FAAH2: variants seen among roughly 807,000 people sequenced by gnomAD.
The protein encoded by FAAH2 is fatty-acid amide hydrolase 2.
FAAH2 carries 60 observed loss-of-function variants against 36.9 expected under a neutral mutation model. That is an observed-to-expected ratio of 1.63 (90% CI 1.32 to 2.02). FAAH2 has a LOEUF of 2.02. Ranked by LOEUF, FAAH2 falls within the 30% of genes most tolerant of loss-of-function variation. The pLI is 0.00. For synonymous variants in FAAH2, 214 were observed against 143.8 expected, an observed-to-expected ratio of 1.49 and a Z score of -3.49; for missense variants, 689 against 397.5, an observed-to-expected ratio of 1.73 and a Z score of -6.23.
At chrX:57,312,888 C>T (rs2052734553) in intron 3 of FAAH2, among the ~76,000 whole-genome samples, 1 of 111,501 alleles carries the variant, frequency 9.0e-6, no homozygotes, top group Non-Finnish European at 1.9e-5. Flanking sequence ...TTTGACCAGT[C>T]TGAAATGACT....
At chrX:57,330,394 G>T (rs2053366956) in intron 3 of FAAH2, among the ~76,000 whole-genome samples, 1 of 111,518 alleles carries the variant, frequency 9.0e-6, no homozygotes, top group Non-Finnish European at 1.9e-5. Flanking sequence ...GGAAATTCCT[G>T]TCTAATAAAT....
At chrX:57,413,308 C>A (rs2055750976) in intron 7 of FAAH2, among the ~76,000 whole-genome samples, 1 of 112,080 alleles carries the variant, frequency 8.9e-6, no homozygotes, top group Non-Finnish European at 1.9e-5. Flanking sequence ...ATGCCTAAGT[C>A]CTGAATGGTA....
chrX:57,219,285 T>G, the FAAH2 span, among the ~76,000 whole-genome samples: 1 of 111,431 alleles, frequency 9.0e-6, no homozygotes, highest in South Asian at 3.9e-4. Flanking sequence ...GTGTTGTCTG[T>G]TGGTGCACTC....
the FAAH2 span, among the ~76,000 whole-genome samples, chrX:57,237,242 C>T: frequency 3.6e-5 from 4 of 111,008 alleles, no homozygotes; most frequent in Non-Finnish European, 5.7e-5. Flanking sequence ...AGTACCATGC[C>T]GTTTTGGTTA....
intron 5 of FAAH2, among the ~76,000 whole-genome samples, chrX:57,351,380 A>G (rs1267987857): frequency 2.7e-5 from 3 of 111,482 alleles, no homozygotes; most frequent in Non-Finnish European, 3.8e-5. Flanking sequence ...TTACGTCCAA[A>G]AAAAGTACAA....
intron 10 of FAAH2, among the ~76,000 whole-genome samples, chrX:57,481,812 G>T (rs554355110): frequency 8.9e-6 from 1 of 112,240 alleles, no homozygotes; most frequent in South Asian, 3.7e-4. Context: ...TCTCTTCAGA[G>T]CCAGCAGGCC....
intron 7 of FAAH2, among the ~76,000 whole-genome samples, chrX:57,387,727 C>T (rs752175510): frequency 3.0e-4 from 34 of 111,519 alleles, no homozygotes; most frequent in Non-Finnish European, 5.7e-4. Context: ...TCCAAAATTC[C>T]ATCACAGTGA....
the FAAH2 span, among the ~76,000 whole-genome samples, chrX:57,151,940 G>T: frequency 3.6e-5 from 4 of 111,258 alleles, no homozygotes; most frequent in African/African-American, 1.3e-4. Context: ...GTTTTTGGTG[G>T]GGATGCCCTT....
chrX:57,149,902 T>C, the FAAH2 span, among the ~76,000 whole-genome samples: 2 of 111,881 alleles, frequency 1.8e-5, no homozygotes, highest in African/African-American at 6.5e-5. Context: ...CATTTAGTGC[T>C]ATAAATTTCT....
At chrX:57,394,323 TCACCACCTGATATTTCCCAA>T (rs2055240058) in intron 7 of FAAH2, 1 of 1,079,015 alleles carries the variant, frequency 9.3e-7, no homozygotes, top group African/African-American at 1.8e-5. Flanking sequence ...GTTATTCCAG[TCACCACCTGATATTTCCCAA>T]CAGGCTGGTG....
chrX:57,162,485 C>T, the FAAH2 span, among the ~76,000 whole-genome samples: 1 of 112,042 alleles, frequency 8.9e-6, no homozygotes, highest in Non-Finnish European at 1.9e-5. Flanking sequence ...CTCCCCATCA[C>T]TTTCAGGTAC....
rs370657252 is a variant in FAAH2 at position 57,341,241 on chromosome X, T to G, written c.623-30T>G. The G allele has an allele frequency of 2.2e-5, 26 of 1,181,629 alleles. No homozygotes were observed. In the African/African-American group the frequency reaches 4.1e-4, roughly 19 times the overall value. ...CCATGCAAATAGTATATTAGATTAT[T>G]TATTTGCAAGTATTTTGTGTTTCTT... On this transcript the variant is annotated intron_variant, in intron 4 of 10. Coordinates refer to ENST00000374900, the MANE Select transcript of FAAH2 (RefSeq NM_174912.4).
chrX:57,345,771 C>G (rs2053805222), intron 5 of FAAH2, among the ~76,000 whole-genome samples: 1 of 111,347 alleles, frequency 9.0e-6, no homozygotes, highest in Non-Finnish European at 1.9e-5. Context: ...ACATCTTAAA[C>G]TTTACTCTTA....
the FAAH2 span, among the ~76,000 whole-genome samples, chrX:57,196,862 G>T: frequency 1.8e-5 from 2 of 111,347 alleles, no homozygotes; most frequent in Non-Finnish European, 3.8e-5. Context: ...CCTAGGTGTT[G>T]ATCTTTTTCA....
chrX:57,251,738 C>T, the FAAH2 span, among the ~76,000 whole-genome samples: 2 of 111,525 alleles, frequency 1.8e-5, no homozygotes, highest in Admixed American at 9.5e-5. Context: ...TCCAAGACGG[C>T]CGAATAGGAA....
At chrX:57,339,703 C>A (rs747293585) in intron 4 of FAAH2, among the ~76,000 whole-genome samples, 1 of 112,108 alleles carries the variant, frequency 8.9e-6, no homozygotes, top group African/African-American at 3.2e-5. Flanking sequence ...AATGAGATAC[C>A]ATCTCACACC....
chrX:57,314,569 A>G (rs752579994), intron 3 of FAAH2, among the ~76,000 whole-genome samples: 1 of 111,437 alleles, frequency 9.0e-6, no homozygotes, highest in South Asian at 3.7e-4. Flanking sequence ...CAATATCAAT[A>G]TCTCCCAAAA....
At chrX:57,381,935 C>T (rs781641975) in intron 7 of FAAH2, among the ~76,000 whole-genome samples, 1 of 111,491 alleles carries the variant, frequency 9.0e-6, no homozygotes, top group African/African-American at 3.3e-5. Flanking sequence ...GTAAAGCACT[C>T]CTCAGCAAAC....
At chrX:57,162,268 A>G in the FAAH2 span, among the ~76,000 whole-genome samples, 15 of 111,618 alleles carry the variant, frequency 1.3e-4, no homozygotes, top group South Asian at 5.7e-3. Flanking sequence ...GGGTAACCCA[A>G]CCTTTCTCTC....
Sources: allele counts gnomAD v4.1 joint callset (sites outside exome capture counted in the v4.1 genomes callset), GRCh38; gene constraint gnomAD v4.1.1; transcripts MANE v1.5; gene names NCBI Gene and HGNC (gene_info 2026-07-23, HGNC 2026-07-21).